Variants in TNFRSF21 observed in about 807,000 individuals in gnomAD.
The protein encoded by TNFRSF21 is TNF receptor superfamily member 21.
TNFRSF21 carries 19 observed loss-of-function variants against 45.6 expected under a neutral mutation model. That is an observed-to-expected ratio of 0.42 (90% CI 0.29 to 0.61). The LOEUF (loss-of-function observed/expected upper bound fraction) is 0.61, where lower values mean the gene tolerates loss of function less well. TNFRSF21 is among the 20% of genes least tolerant of loss of function. TNFRSF21 has a pLI of 0.23. For missense variants in TNFRSF21, 737 were observed against 851.5 expected (o/e 0.87, Z 1.67); for synonymous variants, 314 against 335.5 (o/e 0.94, Z 0.70).
chr6:47,245,166 G>A (rs1329990522), intron 4 of TNFRSF21, among the ~76,000 whole-genome samples: 1 of 152,068 alleles, frequency 6.6e-6, no homozygotes, highest in Non-Finnish European at 1.5e-5. Context: ...GAGACACTCT[G>A]TCTCAGAAAA....
intron 4 of TNFRSF21, among the ~76,000 whole-genome samples, chr6:47,247,422 C>A (rs984809075): frequency 1.3e-5 from 2 of 152,188 alleles, no homozygotes; most frequent in African/African-American, 4.8e-5. Flanking sequence ...AGGACAAGAT[C>A]CCTAATTTCT....
At chr6:47,279,993 G>A (rs1219902502) in intron 3 of TNFRSF21, among the ~76,000 whole-genome samples, 4 of 152,220 alleles carry the variant, frequency 2.6e-5, no homozygotes, top group African/African-American at 9.6e-5. Flanking sequence ...CTCCATGAAA[G>A]TAGGATTGTA....
intron 1 of TNFRSF21, among the ~76,000 whole-genome samples, chr6:47,307,739 A>T (rs1264488564): frequency 6.6e-6 from 1 of 152,238 alleles, no homozygotes; most frequent in Non-Finnish European, 1.5e-5. Context: ...ATTTGATTAC[A>T]TCAAGACCTT....
At chr6:47,262,278 T>C in intron 3 of TNFRSF21, among the ~76,000 whole-genome samples, 1 of 152,248 alleles carries the variant, frequency 6.6e-6, no homozygotes, top group East Asian at 1.9e-4. Flanking sequence ...GGAAAATGGA[T>C]AATCTTTTAT....
At chr6:47,308,988 G>A (rs529512552) in intron 1 of TNFRSF21, among the ~76,000 whole-genome samples, 105 of 152,234 alleles carry the variant, frequency 6.9e-4, no homozygotes, top group Non-Finnish European at 1.2e-3. Context: ...ACAAAGCGCC[G>A]GCCTCGGCCG....
At chr6:47,264,134 G>T (rs1762291799) in intron 3 of TNFRSF21, among the ~76,000 whole-genome samples, 2 of 152,078 alleles carry the variant, frequency 1.3e-5, no homozygotes, top group South Asian at 4.1e-4. Flanking sequence ...TTGTATTTGA[G>T]TCCTATGTGG....
At chr6:47,234,970 G>C in intron 4 of TNFRSF21, 72 bp from the exon 5 acceptor site, 1 of 923,628 alleles carries the variant, frequency 1.1e-6, no homozygotes, top group South Asian at 3.1e-5. Flanking sequence ...CTCCTCAGAG[G>C]CTATTTTTTT....
intron 3 of TNFRSF21, among the ~76,000 whole-genome samples, chr6:47,261,933 G>T (rs1433771095): frequency 6.6e-6 from 1 of 152,196 alleles, no homozygotes; most frequent in South Asian, 2.1e-4. Context: ...CACTACACAG[G>T]AAACTGCTTT....
intron 3 of TNFRSF21, among the ~76,000 whole-genome samples, chr6:47,260,635 T>A (rs1765061192): frequency 2.0e-5 from 3 of 152,170 alleles, no homozygotes; most frequent in Admixed American, 2.0e-4. Context: ...GAGATAAATA[T>A]CTGGAATGAA....
At chr6:47,309,293 C>T (rs1762982954) in intron 1 of TNFRSF21, 123 bp downstream of exon 1, 2 of 1,363,580 alleles carry the variant, frequency 1.5e-6, no homozygotes, top group African/African-American at 1.5e-5. Context: ...CCTCAGTGCC[C>T]GTAACCCAGT....
At chr6:47,260,964 T>C (rs909485189) in intron 3 of TNFRSF21, among the ~76,000 whole-genome samples, 1 of 152,206 alleles carries the variant, frequency 6.6e-6, no homozygotes, top group Non-Finnish European at 1.5e-5. Flanking sequence ...AGGCAATTAA[T>C]ACACAACCTC....
At chr6:47,271,199 A>G (rs546692706) in intron 3 of TNFRSF21, among the ~76,000 whole-genome samples, 28 of 152,320 alleles carry the variant, frequency 1.8e-4, no homozygotes, top group South Asian at 6.2e-4. Context: ...AGCAACCTCA[A>G]GACACATAAT....
chr6:47,284,160 G>A lies in TNFRSF21; in HGVS notation c.1021C>T (p.His341Tyr). Residue 341 changes from histidine to tyrosine, a missense_variant, in exon 3 of 6, where the codon CAC becomes TAC. Physicochemically the swap from His to Tyr is moderately conservative, Grantham distance 83. Coordinates refer to ENST00000296861, the MANE Select transcript of TNFRSF21 (RefSeq NM_014452.5). Reference protein sequence around the residue: ...PKRGHPRQNLHKHFDINEHLP... With the variant: ...PKRGHPRQNLYKHFDINEHLP... The stretch of plus-strand genomic sequence containing the variant: ...TGCTCATTGATGTCAAAATGCTTGT[G>A]TAGGTTCTGTCTAGGATGTCCCCTC... 1.2e-6 allele frequency: 2 copies of A among 1,614,234 alleles called. No individual in the cohort carries two copies. The highest frequency in any genetic ancestry group is 1.7e-6 in the Non-Finnish European group (2 of 1,180,040).
rs1366246710 is a variant in TNFRSF21 at position 47,232,982 on chromosome 6, G to T, written c.1751C>A (p.Thr584Lys). Residue 584 changes from threonine to lysine, a missense_variant, in exon 6 of 6, where the codon ACA becomes AAA. Coordinates refer to ENST00000296861, the MANE Select transcript of TNFRSF21 (RefSeq NM_014452.5). ...GSFITKEKKD[T>K]VLRQVRLDPC... The stretch of plus-strand genomic sequence containing the variant: ...GTCCAGGCGTACCTGCCGCAACACT[G>T]TGTCCTTCTTTTCTGCAGAGAAGAG... 2 of 1,614,050 alleles carry T rather than the reference G, an allele frequency of 1.2e-6. No individual in the cohort carries two copies. The highest frequency in any genetic ancestry group is 2.7e-5 in the African/African-American group (2 of 74,924).
chr6:47,243,304 A>G (rs1042337396), intron 4 of TNFRSF21, among the ~76,000 whole-genome samples: 2 of 152,188 alleles, frequency 1.3e-5, no homozygotes, highest in African/African-American at 4.8e-5. Flanking sequence ...ACCAATAAAT[A>G]AGTATATATG....
chr6:47,285,975 A>G lies in TNFRSF21; in HGVS notation c.717T>C (p.His239=), dbSNP rs746034175. The G allele has an allele frequency of 5.0e-6, 8 of 1,614,214 alleles. No individual in the cohort carries two copies. In the South Asian group the frequency reaches 8.8e-5, roughly 18 times the overall value. ...GAACATAAGTGGAGGAAGGGACTTC[A>G]TGGGTTTCCATGTGCTCAGGGCGTG... ...IFPRPEHMET[H]EVPSSTYVPK... Residue 239 remains histidine (H), a synonymous_variant, in exon 2 of 6, where the codon CAT becomes CAC. Coordinates refer to ENST00000296861, the MANE Select transcript of TNFRSF21 (RefSeq NM_014452.5).
intron 3 of TNFRSF21, among the ~76,000 whole-genome samples, chr6:47,277,938 G>C (rs1762521157): frequency 6.6e-6 from 1 of 152,074 alleles, no homozygotes; most frequent in Non-Finnish European, 1.5e-5. Context: ...CCACGCACAA[G>C]GTTAATCCAT....
Position 47,253,484 on chromosome 6 carries a change from T to C in TNFRSF21, c.1281A>G (p.Gly427=), listed in dbSNP as rs1437242888. The C allele has an allele frequency of 6.2e-7, 1 of 1,613,510 alleles. No homozygotes were observed. The highest frequency in any genetic ancestry group is 8.5e-7 in the Non-Finnish European group (1 of 1,180,046). The change falls in exon 4 of 6, where the codon GGA becomes GGG. Residue 427 remains glycine (G), a synonymous_variant. Transcript: ENST00000296861. ...DILKLVAAQV[G]SQWKDIYQFL... ...ACTGATAGATATCTTTCCACTGGCT[T>C]CCCACTTGGGCTGCTACAAGCTTCA...
rs1328995877 is a variant in TNFRSF21 at position 47,309,768 on chromosome 6, G to C, written c.-257C>G. ...GCGACTGCAGCCCGCGTCTCCGGGT[G>C]CTCTCCTCCGACAGCGGCTGAGGAG... On this transcript the variant is annotated 5_prime_UTR_variant, in exon 1 of 6. Transcript: ENST00000296861. 9.7e-6 allele frequency: 4 copies of C among 410,844 alleles called. No individual in the cohort carries two copies. The South Asian group carries it at 2.8e-4, about 28-fold the overall frequency. 25.4% of individuals were successfully genotyped at this position (410,844 alleles called of 1,614,324 possible). A position where few individuals can be genotyped will look rare whatever the true frequency, so the allele number is the denominator to read the frequency against.
Sources: gnomAD v4.1 joint callset for allele counts (sites outside exome capture counted in the v4.1 genomes callset) on GRCh38, gnomAD v4.1.1 for gene constraint, MANE v1.5 for transcripts, NCBI Gene and HGNC (gene_info 2026-07-23, HGNC 2026-07-21) for gene names.